Variants in VPS41 observed in about 807,000 individuals in gnomAD.
The protein encoded by VPS41 is VPS41 subunit of HOPS complex, also known as vacuolar protein sorting-associated protein 41 homolog.
VPS41 carries 85 observed loss-of-function variants against 130.9 expected under a neutral mutation model. That is an observed-to-expected ratio of 0.65 (90% CI 0.55 to 0.78). VPS41 has a LOEUF of 0.78. Among genes scored for constraint, VPS41 ranks in the 30% least tolerant of loss-of-function variants. The probability of loss-of-function intolerance (pLI) is 0.00; values close to 1 mark genes in which losing one functional copy is unlikely to be tolerated. For synonymous variants in VPS41, 335 were observed against 332.9 expected, an observed-to-expected ratio of 1.01 and a Z score of -0.07; for missense variants, 874 against 1,018.7, an observed-to-expected ratio of 0.86 and a Z score of 1.93.
rs554681328 is a variant in VPS41 at position 38,834,654 on chromosome 7, T to A, written c.247-4326A>T. On this transcript the variant is annotated intron_variant, in intron 4 of 28. Coordinates refer to ENST00000310301, the MANE Select transcript of VPS41 (RefSeq NM_014396.4). ...TGGTGATGATCTGTTTTACTACACG[T>A]TTTATGTAAAGTTACATTTCACAAA... Among the ~76,000 whole-genome samples, 236 of 152,280 alleles carry A rather than the reference T, an allele frequency of 1.5e-3. 1 individual carries two copies. Among genetic ancestry groups the A allele is most frequent in the Non-Finnish European group, 2.2e-3 (153 of 68,000 alleles).
chr7:38,772,732 A>T (rs1339432242), intron 12 of VPS41, 95 bp from the exon 13 acceptor site: 2 of 704,268 alleles, frequency 2.8e-6, no homozygotes, highest in Non-Finnish European at 4.9e-6. Context: ...CCAACCCAAG[A>T]GCGAACAGAA....
At position 38,736,698 on chromosome 7, in the gene VPS41, A is replaced by G. The variant is rs78793780; in HGVS notation, c.2259+5287T>C. On this transcript the variant is annotated intron_variant, in intron 25 of 28. Transcript: ENST00000310301. ...GTAGATAGTCCCTTTTTATCCAGAG[A>G]TAACATAAATGAAGTACCTCAAGGC... Among the ~76,000 whole-genome samples, 503 of 152,346 alleles carry G rather than the reference A, an allele frequency of 3.3e-3. 12 individuals carry two copies. The East Asian group carries it at 0.042, about 13-fold the overall frequency.
At chr7:38,898,214 C>T (rs1584453082) in intron 1 of VPS41, 85 bp from the exon 2 acceptor site, 1 of 1,172,016 alleles carries the variant, frequency 8.5e-7, no homozygotes, top group East Asian at 2.4e-5. Flanking sequence ...CATGTTCCTA[C>T]TACCACGCAT....
chr7:38,872,910 T>A (rs910716578), intron 2 of VPS41, among the ~76,000 whole-genome samples: 1 of 152,218 alleles, frequency 6.6e-6, no homozygotes, highest in Admixed American at 6.5e-5. Context: ...AATTGAATCC[T>A]GAGTGTTAGT....
intron 3 of VPS41, among the ~76,000 whole-genome samples, chr7:38,863,528 T>G (rs913884314): frequency 6.6e-6 from 1 of 152,132 alleles, no homozygotes; most frequent in African/African-American, 2.4e-5. Context: ...TTTAAAAGGA[T>G]TTATCAAAAT....
chr7:38,843,926 G>T (rs1004775914), intron 4 of VPS41, among the ~76,000 whole-genome samples: 9 of 152,194 alleles, frequency 5.9e-5, no homozygotes, highest in African/African-American at 2.2e-4. Context: ...GCATGAAAAT[G>T]TGGTTGAAAT....
At chr7:38,897,990 C>G in intron 2 of VPS41, 101 bp downstream of exon 2, 3 of 1,093,020 alleles carry the variant, frequency 2.7e-6, no homozygotes, top group Non-Finnish European at 4.2e-6. Flanking sequence ...CCCTGCTTTA[C>G]ACCCTCAGCC....
rs1584355070 is a variant in VPS41, at chr7:38,723,751, A to AAAAAAAAAAAAAAAAAAAAAAAAAAAC, written c.*2494_*2495insGTTTTTTTTTTTTTTTTTTTTTTTTTT. 6.8e-6 allele frequency: 1 copy of AAAAAAAAAAAAAAAAAAAAAAAAAAAC among 147,486 alleles called. No individual in the cohort carries two copies. Among genetic ancestry groups the AAAAAAAAAAAAAAAAAAAAAAAAAAAC allele is most frequent in the African/African-American group, 2.5e-5 (1 of 39,232 alleles). The allele number at this position is 147,486 out of a possible 1,614,324, so 9.1% of individuals were successfully genotyped here. A position where few individuals can be genotyped will look rare whatever the true frequency, so the allele number is the denominator to read the frequency against. ...AAAAAAAAAAAAAAAAAAAAAAAAA[A>AAAAAAAAAAAAAAAAAAAAAAAAAAAC]AGAATAGCTTATGAAGTGTGTACTT... On this transcript the variant is annotated 3_prime_UTR_variant, in exon 29 of 29. Transcript: ENST00000310301.
intron 10 of VPS41, among the ~76,000 whole-genome samples, chr7:38,782,804 G>T (rs1207797954): frequency 6.6e-6 from 1 of 152,160 alleles, no homozygotes; most frequent in Admixed American, 6.5e-5. Context: ...ATCTCTGAGG[G>T]TTACAACTTA....
At chr7:38,746,659 G>A (rs1277836907) in intron 22 of VPS41, among the ~76,000 whole-genome samples, 2 of 152,104 alleles carry the variant, frequency 1.3e-5, no homozygotes, top group African/African-American at 4.8e-5. Flanking sequence ...ATGAATGAGT[G>A]CACCTGGGAA....
chr7:38,859,570 T>C (rs1786057622), intron 4 of VPS41, among the ~76,000 whole-genome samples: 1 of 152,184 alleles, frequency 6.6e-6, no homozygotes, highest in South Asian at 2.1e-4. Flanking sequence ...TTGCCTATGG[T>C]ATTCAGGACA....
Position 38,869,136 on chromosome 7 carries a change from G to A in VPS41, c.168+10C>T. On this transcript the variant is annotated intron_variant, in intron 3 of 28. Coordinates refer to ENST00000310301, the MANE Select transcript of VPS41 (RefSeq NM_014396.4). ...ATTTACAGAAGAATCCTCTGAAAGT[G>A]CTATCTTACCTTGTCATGGACTGTC... 6.6e-7 allele frequency: 1 copy of A among 1,525,336 alleles called. No individual in the cohort carries two copies. Among genetic ancestry groups the A allele is most frequent in the Non-Finnish European group, 8.9e-7 (1 of 1,125,650 alleles). The allele number at this position is 1,525,336 out of a possible 1,614,324, so 94.5% of individuals were successfully genotyped here.
At chr7:38,745,875 C>A in intron 22 of VPS41, 1 of 379,218 alleles carries the variant, frequency 2.6e-6, no homozygotes, top group East Asian at 5.3e-5. Context: ...AACAAGACAC[C>A]AAATGAAAAG....
In VPS41 at chr7:38,754,711, T is replaced by C. The variant is rs2115720074; in HGVS notation, c.1779A>G (p.Leu593=). 1 of 1,613,536 alleles carries C rather than the reference T, an allele frequency of 6.2e-7. No homozygotes were observed. The highest frequency in any genetic ancestry group is 8.5e-7 in the Non-Finnish European group (1 of 1,179,636). Residue 593 remains leucine (L), a synonymous_variant, in exon 21 of 29, where the codon CTA becomes CTG. Transcript: ENST00000310301. ...AGACTGCCATGCTCACCACATGCTG[T>C]AGCTCTGGTCTGTCTTCCAATTCTT... ...VVEELEDRPE[L]QHVYLHKLFK... is the part of the protein sequence containing the mutation.
At chr7:38,857,090 C>T (rs888571004) in intron 4 of VPS41, among the ~76,000 whole-genome samples, 5 of 152,094 alleles carry the variant, frequency 3.3e-5, no homozygotes, top group Non-Finnish European at 5.9e-5. Context: ...CACATGAACA[C>T]GAAAGGTATC....
chr7:38,796,788 C>T lies in VPS41; in HGVS notation c.527G>A (p.Ser176Asn), dbSNP rs1784629494. Residue 176 changes from serine to asparagine, a missense_variant, in exon 8 of 29, where the codon AGT (serine) becomes AAT (asparagine). Ser to Asn is a conservative substitution (Grantham distance 46). Transcript: ENST00000310301. ...VLHEGEGNIRSVKWRGHLIAW... is the reference protein window; with the variant it reads ...VLHEGEGNIRNVKWRGHLIAW... ...AATCAGATGGCCTCTCCACTTCACA[C>T]TCCTTATGTTCCCTTCCCCTTCATG... The T allele has an allele frequency of 2.5e-6, 4 of 1,614,018 alleles. No homozygotes were observed. The highest frequency in any genetic ancestry group is 1.3e-5 in the African/African-American group (1 of 75,034).
chr7:38,785,052 T>G (rs546831015), intron 10 of VPS41, among the ~76,000 whole-genome samples: 2 of 152,358 alleles, frequency 1.3e-5, no homozygotes, highest in South Asian at 4.1e-4. Context: ...TATATTCATT[T>G]ATGAAAATGC....
chr7:38,835,177 G>A (rs1057352689), intron 4 of VPS41, among the ~76,000 whole-genome samples: 1 of 151,732 alleles, frequency 6.6e-6, no homozygotes, highest in African/African-American at 2.4e-5. Context: ...ATTATCAGGT[G>A]TTTATCAGCT....
intron 3 of VPS41, among the ~76,000 whole-genome samples, chr7:38,865,451 ATAATACGCT>A (rs1359387655): frequency 6.6e-6 from 1 of 152,040 alleles, no homozygotes; most frequent in Non-Finnish European, 1.5e-5. Flanking sequence ...AAAACACTCT[ATAATACGCT>A]TAGACAATGA....
Sources: allele counts gnomAD v4.1 joint callset (sites outside exome capture counted in the v4.1 genomes callset), GRCh38; gene constraint gnomAD v4.1.1; transcripts MANE v1.5; gene names NCBI Gene and HGNC (gene_info 2026-07-23, HGNC 2026-07-21).